Variants in PIK3R3 observed in about 807,000 individuals in gnomAD.
PIK3R3 encodes the protein phosphoinositide-3-kinase regulatory subunit 3.
Under a neutral mutation model 62.9 loss-of-function variants are expected in PIK3R3, and 64 were observed. The observed-to-expected ratio is 1.02, with a 90% confidence interval of 0.83 to 1.25. The LOEUF (loss-of-function observed/expected upper bound fraction) is 1.25. PIK3R3 is among the 50% of genes most tolerant of loss of function. The probability of loss-of-function intolerance (pLI) is 0.00; values close to 1 mark genes in which losing one functional copy is unlikely to be tolerated. For missense variants in PIK3R3, 614 were observed against 561.6 expected, an observed-to-expected ratio of 1.09 and a Z score of -0.94; for synonymous variants, 165 against 189.0, an observed-to-expected ratio of 0.87 and a Z score of 1.04.
chr1:46,109,751 G>C (rs1653565756), intron 1 of PIK3R3, among the ~76,000 whole-genome samples: 1 of 151,956 alleles, frequency 6.6e-6, no homozygotes. Context: ...CAAAGTTCTG[G>C]GATTACAGGC....
At chr1:46,061,858 A>G in intron 6 of PIK3R3, 71 bp downstream of exon 6, 1 of 1,450,054 alleles carries the variant, frequency 6.9e-7, no homozygotes, top group Non-Finnish European at 9.7e-7. Context: ...AAAGAAAACA[A>G]GACAGAAATT....
chr1:46,078,070 G>A (rs1422829280), intron 2 of PIK3R3, among the ~76,000 whole-genome samples: 3 of 152,118 alleles, frequency 2.0e-5, no homozygotes, highest in African/African-American at 4.8e-5. Context: ...AATTTGTCCC[G>A]ATAACAAATT....
the PIK3R3 span, among the ~76,000 whole-genome samples, chr1:46,140,202 C>T: frequency 6.6e-6 from 1 of 152,160 alleles, no homozygotes; most frequent in African/African-American, 2.4e-5. Flanking sequence ...CTATGTTGTC[C>T]AGGCTGGCCT....
chr1:46,159,657 A>G, the PIK3R3 span, among the ~76,000 whole-genome samples: 1 of 151,932 alleles, frequency 6.6e-6, no homozygotes, highest in African/African-American at 2.4e-5. Context: ...CACTATCTGA[A>G]TTTAGCTTGT....
intron 7 of PIK3R3, among the ~76,000 whole-genome samples, chr1:46,053,543 A>G (rs1647569573): frequency 1.3e-5 from 2 of 152,088 alleles, no homozygotes; most frequent in African/African-American, 4.8e-5. Context: ...GCCCTTATAA[A>G]AGAGGCCTGA....
chr1:46,142,702 TA>T, the PIK3R3 span, among the ~76,000 whole-genome samples: 1,088 of 108,410 alleles, frequency 0.01, 11 homozygotes, highest in African/African-American at 0.035. Context: ...CGTCTCAAAA[TA>T]AAAAAAAAAA....
At chr1:46,079,824 C>A (rs939745969) in intron 2 of PIK3R3, among the ~76,000 whole-genome samples, 2 of 151,758 alleles carry the variant, frequency 1.3e-5, no homozygotes, top group African/African-American at 4.8e-5. Context: ...TATGGTGATG[C>A]ATGACTGTAA....
At chr1:46,062,723 T>C (rs1245311316) in intron 5 of PIK3R3, among the ~76,000 whole-genome samples, 1 of 152,214 alleles carries the variant, frequency 6.6e-6, no homozygotes, top group Non-Finnish European at 1.5e-5. Context: ...AGTTTTGATG[T>C]TTATGGGATA....
chr1:46,166,004 G>C, the PIK3R3 span, among the ~76,000 whole-genome samples: 1 of 149,920 alleles, frequency 6.7e-6, no homozygotes, highest in Non-Finnish European at 1.5e-5. Flanking sequence ...TCGATCTCCT[G>C]ACCTCGTGAT....
intron 6 of PIK3R3, 27 bp downstream of exon 6, chr1:46,061,902 G>A: frequency 6.3e-7 from 1 of 1,594,704 alleles, no homozygotes. Flanking sequence ...TCTCACTGAT[G>A]CCCTTGGAGG....
chr1:46,045,644 T>TTTTTTTTCTTC, intron 9 of PIK3R3, among the ~76,000 whole-genome samples: 1 of 82,596 alleles, frequency 1.2e-5, no homozygotes. Context: ...TTTTTTTTTT[T>TTTTTTTTCTTC]CAATTTAAGA....
Position 46,080,714 on chromosome 1 carries a change from G to A in PIK3R3, c.143C>T (p.Ala48Val). 1.2e-6 allele frequency: 2 copies of A among 1,613,688 alleles called. No individual in the cohort carries two copies. The highest frequency in any genetic ancestry group is 1.7e-6 in the Non-Finnish European group (2 of 1,179,598). The change falls in exon 2 of 10, where the codon GCA becomes GTA. Residue 48 changes from alanine (A) to valine (V), a missense_variant. Transcript: ENST00000262741. ...PPKPPKPMTSAVPNGMKDSSV... is the reference protein window; with the variant it reads ...PPKPPKPMTSVVPNGMKDSSV... ...ACTGTCCTTCATTCCATTTGGAACT[G>A]CTGAAGTCATTGGCTTAGGTGGCTT...
chr1:46,122,714 G>A (rs1199987537), intron 1 of PIK3R3, among the ~76,000 whole-genome samples: 1 of 151,974 alleles, frequency 6.6e-6, no homozygotes, highest in Non-Finnish European at 1.5e-5. Flanking sequence ...TTTACTCAGA[G>A]CTATATAAAT....
At chr1:46,132,647 G>A (rs567453595), upstream of PIK3R3, 5 of 1,289,626 alleles carry the variant, frequency 3.9e-6, no homozygotes, top group Admixed American at 9.2e-5. Flanking sequence ...AGCCACTAGA[G>A]TTTCATTTTA....
At chr1:46,081,384 C>T (rs1650575884) in intron 1 of PIK3R3, among the ~76,000 whole-genome samples, 1 of 152,286 alleles carries the variant, frequency 6.6e-6, no homozygotes, top group Admixed American at 6.5e-5. Flanking sequence ...CACTGGTCCA[C>T]GGCCTGTTAG....
At chr1:46,143,087 A>G in the PIK3R3 span, among the ~76,000 whole-genome samples, 3 of 152,218 alleles carry the variant, frequency 2.0e-5, no homozygotes, top group African/African-American at 7.2e-5. Context: ...TCTCCACCCT[A>G]AAGAATGGGC....
chr1:46,100,760 C>A (rs1443821609), intron 1 of PIK3R3, among the ~76,000 whole-genome samples: 1 of 152,186 alleles, frequency 6.6e-6, no homozygotes. Flanking sequence ...TACATCTCTT[C>A]TCATGTCTTT....
At chr1:46,068,408 A>G (rs1443701853) in intron 3 of PIK3R3, among the ~76,000 whole-genome samples, 1 of 152,246 alleles carries the variant, frequency 6.6e-6, no homozygotes, top group Non-Finnish European at 1.5e-5. Context: ...GTTTAACAGC[A>G]TAAGGAACAT....
intron 3 of PIK3R3, among the ~76,000 whole-genome samples, chr1:46,071,712 A>AAAAATATATATAT (rs1472807815): frequency 4.1e-5 from 1 of 24,652 alleles, no homozygotes; most frequent in African/African-American, 1.5e-4. Context: ...AAAAAAAAAA[A>AAAAATATATATAT]ATATATATAT....
Sources: gnomAD v4.1 joint callset for allele counts (sites outside exome capture counted in the v4.1 genomes callset) on GRCh38, gnomAD v4.1.1 for gene constraint, MANE v1.5 for transcripts, NCBI Gene and HGNC (gene_info 2026-07-23, HGNC 2026-07-21) for gene names.